Variants in SLC38A12 observed in about 807,000 individuals in gnomAD.
The protein encoded by SLC38A12 is putative sodium-coupled neutral amino acid transporter 12.
At chr17:74,783,969 C>T in the SLC38A12 span, among the ~76,000 whole-genome samples, 1 of 151,562 alleles carries the variant, frequency 6.6e-6, no homozygotes, top group African/African-American at 2.4e-5. Context: ...CCTCGTGTTC[C>T]ACCCACCTCA....
the SLC38A12 span, among the ~76,000 whole-genome samples, chr17:74,802,027 C>T: frequency 6.6e-6 from 1 of 152,108 alleles, no homozygotes; most frequent in Non-Finnish European, 1.5e-5. Context: ...GAGCACGGCC[C>T]CTGTCCCTCC....
At chr17:74,781,439 C>T in the SLC38A12 span, among the ~76,000 whole-genome samples, 2 of 152,034 alleles carry the variant, frequency 1.3e-5, no homozygotes, top group African/African-American at 2.4e-5. Flanking sequence ...CACTTGCCAC[C>T]GTCCCCGGCT....
the SLC38A12 span, chr17:74,790,112 C>A: frequency 9.2e-7 from 1 of 1,090,408 alleles, no homozygotes; most frequent in Non-Finnish European, 1.4e-6. Flanking sequence ...TGACACCACA[C>A]CTGGCTAACA....
chr17:74,836,692 A>C, the SLC38A12 span: 1 of 1,585,954 alleles, frequency 6.3e-7, no homozygotes, highest in East Asian at 2.2e-5. This position sits in a 1 kb window ranked among gnomAD's most constrained non-coding sequence, Gnocchi z 4.2. Flanking sequence ...CTCTGATGGC[A>C]GGACAGGCAG....
At chr17:74,836,652 A>T in the SLC38A12 span, 2 of 1,611,098 alleles carry the variant, frequency 1.2e-6, no homozygotes, top group South Asian at 2.2e-5. This position sits in a 1 kb window ranked among gnomAD's most constrained non-coding sequence, Gnocchi z 4.2. Flanking sequence ...CATTTTCGTC[A>T]CGGCCAATAT....
chr17:74,785,634 G>A, the SLC38A12 span: 5 of 1,607,214 alleles, frequency 3.1e-6, no homozygotes, highest in African/African-American at 5.3e-5. Flanking sequence ...CCCCACAGGG[G>A]CCAGGAGTGG....
At chr17:74,816,616 C>T in the SLC38A12 span, among the ~76,000 whole-genome samples, 6 of 152,200 alleles carry the variant, frequency 3.9e-5, no homozygotes, top group Non-Finnish European at 8.8e-5. Context: ...GGGTCCGTCC[C>T]GGACTTTATT....
chr17:74,796,652 G>A, the SLC38A12 span, among the ~76,000 whole-genome samples: 1 of 152,244 alleles, frequency 6.6e-6, no homozygotes, highest in Admixed American at 6.5e-5. Flanking sequence ...CTCTGGAGCA[G>A]TCAGCTAATG....
At chr17:74,795,989 T>C in the SLC38A12 span, among the ~76,000 whole-genome samples, 1 of 152,180 alleles carries the variant, frequency 6.6e-6, no homozygotes, top group South Asian at 2.1e-4. Flanking sequence ...ACTTTCCATA[T>C]TTTGACCTTA....
At chr17:74,804,836 C>T in the SLC38A12 span, among the ~76,000 whole-genome samples, 1 of 152,240 alleles carries the variant, frequency 6.6e-6, no homozygotes, top group South Asian at 2.1e-4. Context: ...CTGGCGCCTT[C>T]TCCCACACTA....
the SLC38A12 span, among the ~76,000 whole-genome samples, chr17:74,798,618 G>T: frequency 6.6e-6 from 1 of 152,196 alleles, no homozygotes; most frequent in African/African-American, 2.4e-5. Context: ...GCTTCAGTGG[G>T]CTCTCTGGGG....
the SLC38A12 span, chr17:74,795,499 G>A: frequency 3.7e-6 from 6 of 1,609,700 alleles, no homozygotes; most frequent in East Asian, 6.7e-5. Context: ...GCTGAGCCTG[G>A]GCCTGCTGTC....
the SLC38A12 span, among the ~76,000 whole-genome samples, chr17:74,802,574 A>G: frequency 9.3e-4 from 142 of 152,306 alleles, no homozygotes; most frequent in African/African-American, 2.9e-3. Flanking sequence ...CAGGTTGGGT[A>G]TCCCTTCCCC....
At chr17:74,782,501 G>T in the SLC38A12 span, among the ~76,000 whole-genome samples, 1 of 152,132 alleles carries the variant, frequency 6.6e-6, no homozygotes, top group Admixed American at 6.5e-5. Context: ...GGCTCTTGTT[G>T]GTTTTTGAAT....
the SLC38A12 span, chr17:74,838,542 A>ACCG: frequency 8.9e-7 from 1 of 1,125,638 alleles, no homozygotes; most frequent in East Asian, 5.8e-5. Flanking sequence ...ACAGTCTGGA[A>ACCG]CCGCCCAGCC....
the SLC38A12 span, among the ~76,000 whole-genome samples, chr17:74,806,900 T>C: frequency 1.3e-5 from 2 of 151,992 alleles, no homozygotes; most frequent in African/African-American, 4.8e-5. Context: ...CACAGCCCCC[T>C]CCCTGGTGTG....
chr17:74,779,219 G>A, the SLC38A12 span, among the ~76,000 whole-genome samples: 92,868 of 152,024 alleles, frequency 0.61, 28,835 homozygotes, highest in Non-Finnish European at 0.64. Context: ...TTGTATCTCC[G>A]GTTGTTTAAG....
chr17:74,777,666 T>A, the SLC38A12 span: 1 of 1,328,094 alleles, frequency 7.5e-7, no homozygotes, highest in African/African-American at 1.5e-5. Context: ...ACGCCTGTAA[T>A]CCCAGCACTT....
chr17:74,798,314 C>T, the SLC38A12 span, among the ~76,000 whole-genome samples: 64 of 152,346 alleles, frequency 4.2e-4, no homozygotes, highest in Non-Finnish European at 7.1e-4. Flanking sequence ...GCTCCTGAGA[C>T]GCACACACAC....
Sources: gnomAD v4.1 joint callset for allele counts (sites outside exome capture counted in the v4.1 genomes callset) on GRCh38, gnomAD v4.1.1 for gene constraint, Gnocchi (gnomAD v3.1) non-coding constraint, MANE v1.5 for transcripts, NCBI Gene and HGNC (gene_info 2026-07-23, HGNC 2026-07-21) for gene names.